The following CLEC17A variants were observed in gnomAD, a reference collection of about 807,000 sequenced individuals.
The protein encoded by CLEC17A is C-type lectin domain containing 17A, also known as C-type lectin domain family 17, member A.
Under a neutral mutation model 61.3 loss-of-function variants are expected in CLEC17A, and 37 were observed. The observed-to-expected ratio is 0.60, with a 90% confidence interval of 0.46 to 0.79. The LOEUF (loss-of-function observed/expected upper bound fraction) is 0.79, where lower values mean the gene tolerates loss of function less well. Among genes scored for constraint, CLEC17A ranks in the 30% least tolerant of loss-of-function variants. The probability of loss-of-function intolerance (pLI) is 0.00; values close to 1 mark genes in which losing one functional copy is unlikely to be tolerated. For synonymous variants in CLEC17A, 168 were observed against 164.9 expected (o/e 1.02, Z -0.14); for missense variants, 418 against 464.7 (o/e 0.90, Z 0.92).
chr19:14,606,234 T>C (rs2074864465), intron 12 of CLEC17A, among the ~76,000 whole-genome samples: 1 of 152,056 alleles, frequency 6.6e-6, no homozygotes, highest in Admixed American at 6.6e-5. Flanking sequence ...TACTAAGACG[T>C]CCACAGTATG....
Position 14,586,734 on chromosome 19 carries a change from A to G in CLEC17A, c.122-880A>G, listed in dbSNP as rs201209826. Among the ~76,000 whole-genome samples the G allele has an allele frequency of 1.3e-4, 20 of 151,668 alleles. No individual in the cohort carries two copies. In the East Asian group the frequency reaches 2.5e-3, roughly 19 times the overall value. On this transcript the variant is annotated intron_variant, in intron 2 of 13. Transcript: ENST00000417570. ...GAGCCATTGCGCCCAGCCTATTTCTATGTCTCTTTACTGGTTTATTGTGTC... is the reference window on the plus strand; with the variant it reads ...GAGCCATTGCGCCCAGCCTATTTCTGTGTCTCTTTACTGGTTTATTGTGTC...
intron 12 of CLEC17A, among the ~76,000 whole-genome samples, chr19:14,606,217 T>C (rs2074863239): frequency 6.6e-6 from 1 of 152,024 alleles, no homozygotes; most frequent in Non-Finnish European, 1.5e-5. Context: ...AATGTTATAA[T>C]GCTACCTACT....
intron 10 of CLEC17A, among the ~76,000 whole-genome samples, chr19:14,599,202 C>T (rs953875525): frequency 6.7e-6 from 1 of 149,236 alleles, no homozygotes; most frequent in African/African-American, 2.5e-5. Context: ...ATTCTCCTGC[C>T]TCAGCCTCCT....
chr19:14,593,333 C>CAAAA (rs57379897), intron 4 of CLEC17A, among the ~76,000 whole-genome samples: 18 of 85,776 alleles, frequency 2.1e-4, no homozygotes, highest in African/African-American at 7.4e-4. Flanking sequence ...CCATCTCTAC[C>CAAAA]AAAAAAAAAA....
At chr19:14,589,374 CAGAGA>C (rs1332657463) in intron 3 of CLEC17A, among the ~76,000 whole-genome samples, 2 of 131,846 alleles carry the variant, frequency 1.5e-5, no homozygotes, top group African/African-American at 4.0e-5. Flanking sequence ...AAGAGACACA[CAGAGA>C]AGAGAACTGT....
intron 8 of CLEC17A, among the ~76,000 whole-genome samples, chr19:14,595,815 G>T (rs113735377): frequency 0.059 from 8,762 of 148,992 alleles, 817 homozygotes; most frequent in African/African-American, 0.2. Context: ...CAGGGCGGAG[G>T]TAGTGATGGT....
At chr19:14,599,979 T>C (rs2146719409) in intron 11 of CLEC17A, 52 bp from the exon 12 acceptor site, 1 of 1,601,968 alleles carries the variant, frequency 6.2e-7, no homozygotes, top group Non-Finnish European at 8.5e-7. Flanking sequence ...GCATACTATG[T>C]ACATGGCTCA....
chr19:14,591,062 A>C (rs1568448841), intron 3 of CLEC17A, among the ~76,000 whole-genome samples: 1 of 151,478 alleles, frequency 6.6e-6, no homozygotes, highest in African/African-American at 2.4e-5. Flanking sequence ...AAGTTTATCC[A>C]TCTCTTCCAC....
rs149133616 is a variant in CLEC17A at position 14,589,145 on chromosome 19, A to G, written c.199+1454A>G. 5.6e-3 allele frequency among the ~76,000 whole-genome samples: 842 copies of G among 149,772 alleles called. 1 individual carries two copies. Among genetic ancestry groups the G allele is most frequent in the African/African-American group, 0.02 (791 of 39,828 alleles). ...GCCTCGACTCCTTCCCCCTTCCCAA[A>G]CCTGGCAAGGACTCTGTTCTTCATC... On this transcript the variant is annotated intron_variant, in intron 3 of 13. Coordinates refer to ENST00000417570, the MANE Select transcript of CLEC17A (RefSeq NM_001204118.2).
chr19:14,587,571 G>C, intron 2 of CLEC17A, 43 bp from the exon 3 acceptor site: 1 of 1,533,666 alleles, frequency 6.5e-7, no homozygotes, highest in Non-Finnish European at 8.8e-7. Context: ...GGGATGGAGG[G>C]AGGAGGGAAT....
In CLEC17A at chr19:14,600,169, G is replaced by A; in HGVS notation, c.881G>A (p.Ser294Asn). The A allele has an allele frequency of 6.2e-7, 1 of 1,614,010 alleles. No individual in the cohort carries two copies. Among genetic ancestry groups the A allele is most frequent in the Middle Eastern group, 1.6e-4 (1 of 6,062 alleles). The change falls in exon 12 of 14, where the codon AGC (serine) becomes AAC (asparagine). Residue 294 changes from serine (S) to asparagine (N), a missense_variant. By Grantham distance (46) the Ser-to-Asn change is conservative. Transcript: ENST00000417570. ...ENYSHLVIIN[S>N]FAEHNFVAKA... The stretch of plus-strand genomic sequence containing the variant: ...TACTCTCACTTGGTCATCATCAATA[G>A]CTTTGCTGAGCACGTGAGTTCTTCC...
chr19:14,604,500 C>T (rs945637386), intron 12 of CLEC17A, among the ~76,000 whole-genome samples: 1 of 152,088 alleles, frequency 6.6e-6, no homozygotes, highest in Non-Finnish European at 1.5e-5. Context: ...TGCAGTGGCT[C>T]GACTGTAATC....
intron 10 of CLEC17A, 151 bp from the exon 11 acceptor site, chr19:14,599,566 A>G: frequency 4.2e-6 from 3 of 710,462 alleles, no homozygotes; most frequent in South Asian, 3.0e-5. Flanking sequence ...AGCACTGTAC[A>G]TGTGGTTTTT....
In CLEC17A at chr19:14,595,262, C is replaced by A; in HGVS notation, c.404-12C>A. 2.5e-6 allele frequency: 4 copies of A among 1,613,912 alleles called. No individual in the cohort carries two copies. The South Asian group carries it at 3.3e-5, about 13-fold the overall frequency. ...CATCTTCTGAATAAACCTCTCTCCC[C>A]CTTTCTCCCAGCTGTGAATCTTGAG... On this transcript the variant is annotated splice_polypyrimidine_tract_variant and intron_variant, in intron 7 of 13. Coordinates refer to ENST00000417570, the MANE Select transcript of CLEC17A (RefSeq NM_001204118.2).
chr19:14,608,628 AT>A (rs71166765), intron 13 of CLEC17A, among the ~76,000 whole-genome samples: 1,599 of 119,698 alleles, frequency 0.013, 5 homozygotes, highest in African/African-American at 0.031. Flanking sequence ...ATGAGGAAGA[AT>A]TTTTTTTTTT....
intron 2 of CLEC17A, among the ~76,000 whole-genome samples, 178 bp downstream of exon 2, chr19:14,583,612 G>C (rs1293850643): frequency 6.6e-6 from 1 of 152,042 alleles, no homozygotes; most frequent in Non-Finnish European, 1.5e-5. Context: ...AGGTGGGTTT[G>C]GGCACAGTCT....
At chr19:14,586,844 G>A (rs2074291952) in intron 2 of CLEC17A, among the ~76,000 whole-genome samples, 1 of 151,924 alleles carries the variant, frequency 6.6e-6, no homozygotes. Context: ...TGGGAGCGGG[G>A]AGGTGGGTGG....
At chr19:14,603,631 T>C (rs1022391694) in intron 12 of CLEC17A, among the ~76,000 whole-genome samples, 2 of 150,062 alleles carry the variant, frequency 1.3e-5, no homozygotes, top group East Asian at 1.9e-4. Context: ...AGCTAAGTTT[T>C]GTATTTTTTT....
intron 13 of CLEC17A, among the ~76,000 whole-genome samples, chr19:14,607,487 G>T (rs939866435): frequency 6.6e-6 from 1 of 151,794 alleles, no homozygotes; most frequent in Non-Finnish European, 1.5e-5. Flanking sequence ...ACAGGCGTGA[G>T]CCACCGCGCC....
Sources: gnomAD v4.1 joint callset for allele counts (sites outside exome capture counted in the v4.1 genomes callset) on GRCh38, gnomAD v4.1.1 for gene constraint, MANE v1.5 for transcripts, NCBI Gene and HGNC (gene_info 2026-07-23, HGNC 2026-07-21) for gene names.